The following TTC23 variants were observed in gnomAD, a reference collection of about 807,000 sequenced individuals.
TTC23 encodes the protein tetratricopeptide repeat protein 23.
Under a neutral mutation model 55.1 loss-of-function variants are expected in TTC23, and 58 were observed. The observed-to-expected ratio is 1.05, with a 90% CI of 0.85 to 1.31. The LOEUF is 1.31. Ranked by LOEUF, TTC23 falls within the 50% of genes most tolerant of loss-of-function variation. TTC23 has a pLI of 0.00. For missense variants in TTC23, 516 were observed against 534.4 expected, an observed-to-expected ratio of 0.97 and a Z score of 0.34; for synonymous variants, 203 against 199.9, an observed-to-expected ratio of 1.02 and a Z score of -0.13.
At chr15:99,138,931 C>CT (rs1367762392) in intron 13 of TTC23, among the ~76,000 whole-genome samples, 18 of 152,302 alleles carry the variant, frequency 1.2e-4, no homozygotes, top group African/African-American at 4.1e-4. Context: ...AGGGGCCAGC[C>CT]TTTAAGGTCA....
chr15:99,166,428 C>T (rs2602029), intron 10 of TTC23, among the ~76,000 whole-genome samples: 100,066 of 151,952 alleles, frequency 0.66, 33,205 homozygotes, highest in Middle Eastern at 0.73. Context: ...AATGTGCAGA[C>T]GGCTCCTAAC....
intron 2 of TTC23, among the ~76,000 whole-genome samples, chr15:99,244,277 T>C (rs57958824): frequency 0.11 from 17,438 of 152,196 alleles, 1,087 homozygotes; most frequent in Non-Finnish European, 0.15. Context: ...GTTGTGGATA[T>C]TACAGTCAGA....
intron 3 of TTC23, among the ~76,000 whole-genome samples, chr15:99,238,356 T>G (rs2079494821): frequency 6.6e-6 from 1 of 152,054 alleles, no homozygotes; most frequent in African/African-American, 2.4e-5. Flanking sequence ...CAGAAAACAA[T>G]AACCCCAAGA....
intron 10 of TTC23, among the ~76,000 whole-genome samples, chr15:99,166,829 G>A (rs1439223423): frequency 2.0e-5 from 3 of 152,188 alleles, no homozygotes; most frequent in African/African-American, 7.2e-5. Flanking sequence ...CACACATCAG[G>A]CATCTGTGAA....
At chr15:99,199,814 A>G (rs2151992480) in intron 9 of TTC23, 105 bp downstream of exon 9, 2 of 1,177,698 alleles carry the variant, frequency 1.7e-6, no homozygotes, top group South Asian at 3.3e-5. Context: ...GTCCTTATCT[A>G]GAGCAAATGA....
chr15:99,190,182 A>AAAG (rs144574328), intron 9 of TTC23, among the ~76,000 whole-genome samples: 1 of 38,726 alleles, frequency 2.6e-5, no homozygotes, highest in Non-Finnish European at 5.0e-5. Context: ...CTGTCTAAAA[A>AAAG]AAGAAAGAAA....
At chr15:99,237,538 T>TA (rs1386325782) in intron 3 of TTC23, among the ~76,000 whole-genome samples, 2 of 152,026 alleles carry the variant, frequency 1.3e-5, no homozygotes, top group Admixed American at 6.6e-5. Context: ...TCAGGCAAAA[T>TA]AGAGTACATA....
intron 9 of TTC23, among the ~76,000 whole-genome samples, chr15:99,192,080 T>C (rs940628287): frequency 1.3e-5 from 2 of 152,210 alleles, no homozygotes; most frequent in Non-Finnish European, 2.9e-5. Flanking sequence ...TTAGGGTATC[T>C]GGTGGAAGAA....
intron 10 of TTC23, among the ~76,000 whole-genome samples, chr15:99,171,735 T>A (rs2072970255): frequency 6.7e-6 from 1 of 149,958 alleles, no homozygotes. Flanking sequence ...GCTAATTTTT[T>A]GTATTTTTAG....
At chr15:99,153,477 C>T (rs1703768) in intron 12 of TTC23, among the ~76,000 whole-genome samples, 104,622 of 152,086 alleles carry the variant, frequency 0.69, 36,492 homozygotes, top group African/African-American at 0.8. Context: ...GAAAAATACT[C>T]GATTTATAGG....
intron 12 of TTC23, among the ~76,000 whole-genome samples, chr15:99,143,334 G>A (rs1555491372): frequency 1.3e-5 from 2 of 152,200 alleles, no homozygotes; most frequent in African/African-American, 4.8e-5. Flanking sequence ...TGTGAAGTAG[G>A]TGTTTTGATT....
intron 4 of TTC23, among the ~76,000 whole-genome samples, chr15:99,233,232 C>G (rs767072615): frequency 6.6e-6 from 1 of 152,088 alleles, no homozygotes; most frequent in Non-Finnish European, 1.5e-5. Context: ...GTTCTAATCA[C>G]AAAAAGTGAT....
intron 4 of TTC23, 77 bp downstream of exon 4, chr15:99,234,911 A>G (rs2152081577): frequency 6.6e-6 from 1 of 151,966 alleles, no homozygotes; most frequent in African/African-American, 2.4e-5. Flanking sequence ...AAAATGGTAT[A>G]CCACTTTGGA....
rs532474364 is a variant in TTC23, at chr15:99,218,976, T to C, written c.377A>G (p.Tyr126Cys). 54 of 1,614,232 alleles carry C rather than the reference T, an allele frequency of 3.3e-5. No homozygotes were observed. Among genetic ancestry groups the C allele is most frequent in the Middle Eastern group, 1.6e-4 (1 of 6,062 alleles). Residue 126 changes from tyrosine to cysteine, a missense_variant, in exon 7 of 14, where the codon TAT becomes TGT. Physicochemically the swap from Tyr to Cys is radical, Grantham distance 194. Coordinates refer to ENST00000394132, the MANE Select transcript of TTC23 (RefSeq NM_001288615.3). ...CTTGAAAACATCTGTATTCTCACTA[T>C]AGGGAGGCACAATGGAGTTGGCGAG... The part of the protein sequence containing the change: ...QILANSIVPP[Y>C]SENTDVFKFS...
chr15:99,247,095 T>C (rs2080313175), intron 1 of TTC23, among the ~76,000 whole-genome samples: 1 of 152,024 alleles, frequency 6.6e-6, no homozygotes, highest in South Asian at 2.1e-4. Context: ...ATCAGGAAAA[T>C]GCAAATGAAA....
At chr15:99,216,377 T>A (rs1401467540) in intron 8 of TTC23, among the ~76,000 whole-genome samples, 1 of 152,124 alleles carries the variant, frequency 6.6e-6, no homozygotes, top group South Asian at 2.1e-4. Context: ...GCATAAATCA[T>A]AAGGTGAAAA....
rs1555486967 is a variant in TTC23 at position 99,136,582 on chromosome 15, A to T, written c.*1428T>A. 6.6e-6 allele frequency: 1 copy of T among 152,058 alleles called. No individual in the cohort carries two copies. The allele number at this position is 152,058 out of a possible 1,614,324, so 9.4% of individuals were successfully genotyped here. ...TCTCTGGTGTCTCTCCTTATAAAGCACTAATCCCATTCATCAGGGCTCCAC... is the reference window on the plus strand; with the variant it reads ...TCTCTGGTGTCTCTCCTTATAAAGCTCTAATCCCATTCATCAGGGCTCCAC... On this transcript the variant is annotated 3_prime_UTR_variant, in exon 14 of 14. Coordinates refer to ENST00000394132, the MANE Select transcript of TTC23 (RefSeq NM_001288615.3).
intron 8 of TTC23, among the ~76,000 whole-genome samples, chr15:99,201,048 G>A (rs1368714974): frequency 6.6e-6 from 1 of 152,202 alleles, no homozygotes; most frequent in Non-Finnish European, 1.5e-5. Flanking sequence ...CAGAAAGATG[G>A]CAAAAGCCAT....
chr15:99,209,717 G>A (rs1567491746), intron 8 of TTC23, among the ~76,000 whole-genome samples: 2 of 152,118 alleles, frequency 1.3e-5, no homozygotes, highest in African/African-American at 4.8e-5. Flanking sequence ...TTGGTAGCTA[G>A]TGTGGTTTTA....
Sources: gnomAD v4.1 joint callset for allele counts (sites outside exome capture counted in the v4.1 genomes callset) on GRCh38, gnomAD v4.1.1 for gene constraint, MANE v1.5 for transcripts, NCBI Gene and HGNC (gene_info 2026-07-23, HGNC 2026-07-21) for gene names.